The following ADAM19 variants were observed in gnomAD, a reference collection of about 807,000 sequenced individuals.
ADAM19 encodes the protein ADAM metallopeptidase domain 19.
In ADAM19, 65 loss-of-function variants were observed where a neutral mutation model predicts 114.7. That is an observed-to-expected ratio of 0.57 (90% CI 0.46 to 0.70). ADAM19 has a LOEUF of 0.70. ADAM19 is among the 30% of genes least tolerant of loss of function. The pLI is 0.00. For missense variants in ADAM19, 1,063 were observed against 1,204.7 expected (o/e 0.88, Z 1.74); for synonymous variants, 466 against 460.5 (o/e 1.01, Z -0.15).
At chr5:157,565,538 G>A (rs921246435) in intron 2 of ADAM19, among the ~76,000 whole-genome samples, 9 of 152,012 alleles carry the variant, frequency 5.9e-5, no homozygotes, top group East Asian at 3.9e-4. Context: ...GTGAAACCCC[G>A]TCTCTACCAA....
intron 21 of ADAM19, among the ~76,000 whole-genome samples, chr5:157,483,311 G>GT (rs1235507705): frequency 6.6e-6 from 1 of 152,118 alleles, no homozygotes; most frequent in Non-Finnish European, 1.5e-5. Context: ...AAACTGCAAG[G>GT]TTGTTCCTTG....
intron 19 of ADAM19, 87 bp from the exon 20 acceptor site, chr5:157,489,273 C>G (rs1755068236): frequency 1.2e-6 from 1 of 867,764 alleles, no homozygotes; most frequent in Admixed American, 2.1e-5. Flanking sequence ...CAAGCACGGC[C>G]AGCAAGCAGC....
intron 5 of ADAM19, among the ~76,000 whole-genome samples, chr5:157,529,060 C>T (rs1756553532): frequency 6.6e-6 from 1 of 152,210 alleles, no homozygotes; most frequent in Non-Finnish European, 1.5e-5. Context: ...TCAATAACAT[C>T]ACATCGGTAG....
At chr5:157,489,515 A>G (rs1433530180) in intron 19 of ADAM19, among the ~76,000 whole-genome samples, 1 of 152,184 alleles carries the variant, frequency 6.6e-6, no homozygotes, top group Non-Finnish European at 1.5e-5. Flanking sequence ...ATAGATCCAG[A>G]AAGACCTGGG....
intron 10 of ADAM19, among the ~76,000 whole-genome samples, chr5:157,506,467 C>G (rs1755745470): frequency 6.6e-6 from 1 of 152,216 alleles, no homozygotes; most frequent in African/African-American, 2.4e-5. Flanking sequence ...CACAGCTGTT[C>G]TTTGAACCCA....
At chr5:157,499,540 A>C in intron 13 of ADAM19, 33 bp downstream of exon 13, 3 of 1,563,872 alleles carry the variant, frequency 1.9e-6, no homozygotes, top group Non-Finnish European at 2.6e-6. Flanking sequence ...CTGTCAGGCC[A>C]GGGCCCAAGG....
intron 21 of ADAM19, among the ~76,000 whole-genome samples, chr5:157,482,766 T>C (rs1754796587): frequency 6.6e-6 from 1 of 152,222 alleles, no homozygotes; most frequent in Non-Finnish European, 1.5e-5. Context: ...CGTATGTTTA[T>C]TGTGGCACTA....
intron 7 of ADAM19, among the ~76,000 whole-genome samples, chr5:157,515,311 C>T (rs773368594): frequency 1.1e-4 from 17 of 152,210 alleles, no homozygotes; most frequent in Non-Finnish European, 1.6e-4. Flanking sequence ...ATTAGAACAT[C>T]AGGGCCAGAT....
intron 9 of ADAM19, among the ~76,000 whole-genome samples, chr5:157,507,829 G>C (rs911496101): frequency 6.6e-6 from 1 of 151,796 alleles, no homozygotes; most frequent in Non-Finnish European, 1.5e-5. Flanking sequence ...CCAGGGTAGA[G>C]GAGAAGAAAA....
intron 10 of ADAM19, 38 bp downstream of exon 10, chr5:157,507,018 G>A (rs752237261): frequency 6.4e-7 from 1 of 1,567,294 alleles, no homozygotes; most frequent in South Asian, 1.1e-5. Flanking sequence ...AGGCAGCTCA[G>A]CGCCTTCTGC....
At position 157,480,289 on chromosome 5, in the gene ADAM19, T is replaced by G. The variant is rs1754705077; in HGVS notation, c.*660A>C. 1.0e-6 allele frequency: 1 copy of G among 985,742 alleles called. No individual in the cohort carries two copies. The highest frequency in any genetic ancestry group is 6.1e-5 in the Admixed American group (1 of 16,274). The allele number at this position is 985,742 out of a possible 1,614,324, so 61.1% of individuals were successfully genotyped here. On this transcript the variant is annotated 3_prime_UTR_variant, in exon 23 of 23. Coordinates refer to ENST00000257527, the MANE Select transcript of ADAM19 (RefSeq NM_033274.5). ...CCGGTGCTCCTCCTGCTGTCTACAC[T>G]GCCTACGAATAGTACCTGTCTGAGT...
chr5:157,492,830 C>G (rs1297386223), intron 16 of ADAM19, 143 bp downstream of exon 16: 3 of 811,750 alleles, frequency 3.7e-6, no homozygotes, highest in East Asian at 2.5e-5. Flanking sequence ...CCTGCTGTCA[C>G]TATACACGCT....
At chr5:157,498,688 G>GTATATA (rs55867903) in intron 13 of ADAM19, among the ~76,000 whole-genome samples, 10,214 of 143,704 alleles carry the variant, frequency 0.071, 442 homozygotes, top group African/African-American at 0.11. Flanking sequence ...ATGTGTGTAT[G>GTATATA]TATATATATA....
chr5:157,478,797 A>G lies in ADAM19; in HGVS notation c.*2152T>C, dbSNP rs1754667633. Reference sequence around the variant, plus strand: ...CAAAACAAAAAGCAAGAAAACGACAACCCAGGTCTCTTTCTGGTGTGGTTC... The same window carrying G: ...CAAAACAAAAAGCAAGAAAACGACAGCCCAGGTCTCTTTCTGGTGTGGTTC... On this transcript the variant is annotated 3_prime_UTR_variant, in exon 23 of 23. Transcript: ENST00000257527. The G allele has an allele frequency of 2.0e-6, 2 of 985,854 alleles. No individual in the cohort carries two copies. The highest frequency in any genetic ancestry group is 3.5e-5 in the African/African-American group (2 of 57,340). The allele number at this position is 985,854 out of a possible 1,614,324, so 61.1% of individuals were successfully genotyped here.
At chr5:157,554,604 T>C (rs1284457215) in intron 3 of ADAM19, among the ~76,000 whole-genome samples, 2 of 152,196 alleles carry the variant, frequency 1.3e-5, no homozygotes, top group Non-Finnish European at 2.9e-5. Flanking sequence ...CCAGGGGCAA[T>C]GGGTTTTAAG....
chr5:157,515,433 G>A (rs986493819), intron 7 of ADAM19, among the ~76,000 whole-genome samples: 1 of 152,216 alleles, frequency 6.6e-6, no homozygotes, highest in African/African-American at 2.4e-5. Context: ...GCAGGAGTCA[G>A]CAAATCTTTT....
intron 8 of ADAM19, 80 bp downstream of exon 8, chr5:157,513,354 A>G (rs1253185248): frequency 1.4e-6 from 2 of 1,416,486 alleles, no homozygotes; most frequent in African/African-American, 2.8e-5. Context: ...GGGGCAGCCA[A>G]TCCAGCAGAA....
chr5:157,499,728 C>T (rs1249540667), intron 12 of ADAM19, 66 bp from the exon 13 acceptor site: 5 of 1,151,626 alleles, frequency 4.3e-6, no homozygotes, highest in Non-Finnish European at 6.4e-6. Context: ...TTTTCCCCAC[C>T]CTTGCCCACA....
intron 5 of ADAM19, among the ~76,000 whole-genome samples, chr5:157,527,820 C>A (rs182882465): frequency 6.6e-6 from 1 of 152,296 alleles, no homozygotes; most frequent in Non-Finnish European, 1.5e-5. Flanking sequence ...TTTCATTGTA[C>A]ACTCTTTTGT....
Sources: gnomAD v4.1 joint callset for allele counts (sites outside exome capture counted in the v4.1 genomes callset) on GRCh38, gnomAD v4.1.1 for gene constraint, MANE v1.5 for transcripts, NCBI Gene and HGNC (gene_info 2026-07-23, HGNC 2026-07-21) for gene names.